The following DRG1 variants were observed in gnomAD, a reference collection of about 807,000 sequenced individuals.
The protein encoded by DRG1 is developmentally regulated GTP binding protein 1, also known as developmentally-regulated GTP-binding protein 1.
A neutral mutation model predicts 38.8 loss-of-function variants in DRG1; 19 were observed. The ratio of observed to expected loss-of-function variants is 0.49; its 90% CI spans 0.34 to 0.72. The LOEUF (loss-of-function observed/expected upper bound fraction) is 0.72. DRG1 is among the 30% of genes least tolerant of loss of function. DRG1 has a pLI of 0.01. For synonymous variants in DRG1, 167 were observed against 157.5 expected (o/e 1.06, Z -0.45); for missense variants, 299 against 444.8 (o/e 0.67, Z 2.95).
chr22:31,424,800 G>GCT (rs1555899162), intron 6 of DRG1, among the ~76,000 whole-genome samples: 1 of 15,308 alleles, frequency 6.5e-5, no homozygotes, highest in African/African-American at 4.9e-4. Flanking sequence ...CCCGGCACCC[G>GCT]CCCCCCCCCC....
chr22:31,413,203 A>G (rs977228198), intron 4 of DRG1, among the ~76,000 whole-genome samples: 1 of 151,948 alleles, frequency 6.6e-6, no homozygotes, highest in African/African-American at 2.4e-5. Context: ...GGCTCAAGCA[A>G]TCTTCCCATG....
chr22:31,403,258 A>G (rs1205261417), intron 3 of DRG1, 54 bp downstream of exon 3: 14 of 1,529,442 alleles, frequency 9.2e-6, no homozygotes, highest in Non-Finnish European at 1.1e-5. Context: ...TCATTTAGGA[A>G]GAAGTTTATT....
intron 3 of DRG1, among the ~76,000 whole-genome samples, chr22:31,407,641 A>G (rs2049995773): frequency 6.9e-6 from 1 of 144,728 alleles, no homozygotes. Context: ...GGGCCTGAGT[A>G]TGTTCTTTTG....
At chr22:31,431,031 C>T (rs745309070) in intron 8 of DRG1, among the ~76,000 whole-genome samples, 3 of 87,702 alleles carry the variant, frequency 3.4e-5, no homozygotes, top group South Asian at 4.3e-4. Context: ...CCCCCCCCCC[C>T]CCGCTTTTTT....
chr22:31,401,492 T>C (rs2049960585), intron 2 of DRG1, among the ~76,000 whole-genome samples: 1 of 150,416 alleles, frequency 6.6e-6, no homozygotes, highest in Non-Finnish European at 1.5e-5. Context: ...GGCAGGAGAA[T>C]TGCTTGAATC....
chr22:31,414,500 T>G (rs1191899824), intron 4 of DRG1, among the ~76,000 whole-genome samples: 1 of 152,180 alleles, frequency 6.6e-6, no homozygotes. Flanking sequence ...CATCCTCAAC[T>G]TGCTCTTCCC....
intron 1 of DRG1, among the ~76,000 whole-genome samples, chr22:31,400,120 CTCA>C (rs1042666423): frequency 1.3e-5 from 2 of 152,054 alleles, no homozygotes; most frequent in Admixed American, 6.6e-5. Context: ...AGGATCTTTC[CTCA>C]TCATCCTTCG....
chr22:31,419,030 G>A (rs559906026), intron 4 of DRG1, among the ~76,000 whole-genome samples: 1 of 152,232 alleles, frequency 6.6e-6, no homozygotes, highest in African/African-American at 2.4e-5. Flanking sequence ...GACCAGGCTG[G>A]TCTCAAGCTC....
At chr22:31,406,439 C>T (rs1248148531) in intron 3 of DRG1, among the ~76,000 whole-genome samples, 1 of 152,088 alleles carries the variant, frequency 6.6e-6, no homozygotes, top group East Asian at 1.9e-4. Flanking sequence ...TGTTGGTGAG[C>T]TTTTAATTCT....
At chr22:31,418,229 G>T (rs962268333) in intron 4 of DRG1, among the ~76,000 whole-genome samples, 5 of 152,028 alleles carry the variant, frequency 3.3e-5, no homozygotes, top group African/African-American at 1.2e-4. Flanking sequence ...GATCACTTGA[G>T]GCCAGGAGTT....
At chr22:31,399,982 A>G (rs1241340792) in intron 1 of DRG1, among the ~76,000 whole-genome samples, 1 of 151,510 alleles carries the variant, frequency 6.6e-6, no homozygotes, top group Non-Finnish European at 1.5e-5. Flanking sequence ...GCACCCCTGC[A>G]CCTTAGGCCC....
chr22:31,402,166 G>A (rs969192748), intron 2 of DRG1, among the ~76,000 whole-genome samples: 3 of 152,054 alleles, frequency 2.0e-5, no homozygotes, highest in East Asian at 1.9e-4. Flanking sequence ...AAGGGAAAAC[G>A]TAGGAAAAAT....
intron 8 of DRG1, among the ~76,000 whole-genome samples, chr22:31,431,920 G>A (rs1013320046): frequency 6.6e-6 from 1 of 151,994 alleles, no homozygotes; most frequent in Non-Finnish European, 1.5e-5. Flanking sequence ...CTTCTATGGT[G>A]GCAAAACATT....
At chr22:31,407,714 A>G (rs529094543) in intron 3 of DRG1, among the ~76,000 whole-genome samples, 2 of 145,712 alleles carry the variant, frequency 1.4e-5, no homozygotes, top group Admixed American at 1.4e-4. Context: ...ACGTTCTTGA[A>G]TGGAGAAGTT....
chr22:31,400,506 G>T, intron 1 of DRG1, 114 bp from the exon 2 acceptor site: 1 of 1,365,688 alleles, frequency 7.3e-7, no homozygotes, highest in Non-Finnish European at 1.0e-6. Context: ...CTCTTTTAAA[G>T]CCTGTAAACT....
chr22:31,399,830 T>G (rs2049950897), intron 1 of DRG1, 105 bp downstream of exon 1: 2 of 1,536,792 alleles, frequency 1.3e-6, no homozygotes, highest in Non-Finnish European at 1.8e-6. Context: ...GGGCCTAGAT[T>G]CCGCGACTTC....
intron 8 of DRG1, 104 bp downstream of exon 8, chr22:31,427,286 G>C (rs2050116106): frequency 2.1e-6 from 3 of 1,417,406 alleles, no homozygotes; most frequent in Non-Finnish European, 2.8e-6. Flanking sequence ...CAGGAAGGAG[G>C]CTACTGAAAT....
At chr22:31,400,177 G>A (rs2049953057) in intron 1 of DRG1, among the ~76,000 whole-genome samples, 1 of 151,646 alleles carries the variant, frequency 6.6e-6, no homozygotes, top group Non-Finnish European at 1.5e-5. Flanking sequence ...CTACCCTAAT[G>A]ACCCCCTGAT....
chr22:31,413,246 G>A (rs865804084), intron 4 of DRG1, among the ~76,000 whole-genome samples: 48 of 151,936 alleles, frequency 3.2e-4, no homozygotes, highest in African/African-American at 1.1e-3. Context: ...CTACAGGCAC[G>A]CAACACCGTG....
Sources: gnomAD v4.1 joint callset for allele counts (sites outside exome capture counted in the v4.1 genomes callset) on GRCh38, gnomAD v4.1.1 for gene constraint, MANE v1.5 for transcripts, NCBI Gene and HGNC (gene_info 2026-07-23, HGNC 2026-07-21) for gene names.